NARS2: variants seen among roughly 807,000 people sequenced by gnomAD.
NARS2 encodes the protein asparaginyl-tRNA synthetase.
A neutral mutation model predicts 62.9 loss-of-function variants in NARS2; 60 were observed. The observed-to-expected ratio is 0.95, with a 90% CI of 0.77 to 1.18. The LOEUF is 1.18. NARS2 is among the 50% of genes most tolerant of loss of function. NARS2 has a pLI of 0.00. For missense variants in NARS2, 619 were observed against 576.4 expected (o/e 1.07, Z -0.76); for synonymous variants, 196 against 200.0 (o/e 0.98, Z 0.17).
At chr11:78,438,396 G>C (rs1037608299) in intron 13 of NARS2, among the ~76,000 whole-genome samples, 2 of 152,174 alleles carry the variant, frequency 1.3e-5, no homozygotes, top group Non-Finnish European at 2.9e-5. Flanking sequence ...CAGCGGGAAA[G>C]AGTACACTTT....
rs145985173 is a variant in NARS2 at position 78,493,274 on chromosome 11, C to T, written c.690-79G>A. On this transcript the variant is annotated intron_variant, in intron 6 of 13. Coordinates refer to ENST00000281038, the MANE Select transcript of NARS2 (RefSeq NM_024678.6). ...TATTTAAATATTCAGTGAGCTCTTACGGAAAATAAAGTTTTGTGTGCCTCT... is the reference window on the plus strand; with the variant it reads ...TATTTAAATATTCAGTGAGCTCTTATGGAAAATAAAGTTTTGTGTGCCTCT... The T allele has an allele frequency of 1.5e-3, 2,066 of 1,422,804 alleles. 21 individuals carry two copies. In the African/African-American group the frequency reaches 0.024, roughly 16 times the overall value. 88.1% of individuals were successfully genotyped at this position (1,422,804 alleles called of 1,614,324 possible).
chr11:78,565,023 C>A (rs997449313), intron 4 of NARS2, among the ~76,000 whole-genome samples: 2 of 152,182 alleles, frequency 1.3e-5, no homozygotes, highest in African/African-American at 4.8e-5. Flanking sequence ...AGAAGTACCA[C>A]AGGAAGCCTC....
At chr11:78,446,486 T>C (rs1225707327) in intron 11 of NARS2, among the ~76,000 whole-genome samples, 5 of 152,198 alleles carry the variant, frequency 3.3e-5, no homozygotes, top group Non-Finnish European at 7.3e-5. Context: ...GGCTAAAATA[T>C]GATAGGAGTT....
At chr11:78,472,922 TTAA>T (rs772267072) in intron 9 of NARS2, among the ~76,000 whole-genome samples, 15 of 152,362 alleles carry the variant, frequency 9.8e-5, no homozygotes, top group Admixed American at 9.8e-4. Context: ...TGTTGATGAC[TTAA>T]TAATCACTGT....
At chr11:78,492,986 A>C (rs1013141590) in intron 7 of NARS2, 77 bp downstream of exon 7, 2 of 1,337,838 alleles carry the variant, frequency 1.5e-6, no homozygotes, top group African/African-American at 1.5e-5. Context: ...TGTAACACAT[A>C]AACGTCCGAG....
chr11:78,574,823 T>A lies in NARS2; in HGVS notation c.-335A>T. On this transcript the variant is annotated 5_prime_UTR_variant, in exon 1 of 14. Coordinates refer to ENST00000281038, the MANE Select transcript of NARS2 (RefSeq NM_024678.6). ...CCCGGGCCGCAACACGCGCAACCACTCCTACCACACCACGCCAACGCCGCT... is the reference window on the plus strand; with the variant it reads ...CCCGGGCCGCAACACGCGCAACCACACCTACCACACCACGCCAACGCCGCT... 7.0e-6 allele frequency: 2 copies of A among 285,552 alleles called. No individual in the cohort carries two copies. Among genetic ancestry groups the A allele is most frequent in the Non-Finnish European group, 1.3e-5 (2 of 150,686 alleles). 17.7% of individuals were successfully genotyped at this position (285,552 alleles called of 1,614,324 possible).
chr11:78,469,244 T>C lies in NARS2; in HGVS notation c.1026+3A>G. Reference sequence around the variant, plus strand: ...ACATATATACATACACACAAAATACTACCTCTGGGGTAAAGGTGAAGTTCT... The same window carrying C: ...ACATATATACATACACACAAAATACCACCTCTGGGGTAAAGGTGAAGTTCT... On this transcript the variant is annotated splice_donor_region_variant and intron_variant, in intron 10 of 13. Coordinates refer to ENST00000281038, the MANE Select transcript of NARS2 (RefSeq NM_024678.6). 6.3e-7 allele frequency: 1 copy of C among 1,598,336 alleles called. No individual in the cohort carries two copies. The highest frequency in any genetic ancestry group is 8.6e-7 in the Non-Finnish European group (1 of 1,165,698).
intron 7 of NARS2, among the ~76,000 whole-genome samples, chr11:78,488,811 T>C (rs1859688873): frequency 6.6e-6 from 1 of 152,134 alleles, no homozygotes; most frequent in Non-Finnish European, 1.5e-5. Flanking sequence ...GACCAACTGA[T>C]TTTTGACAAA....
In NARS2 at chr11:78,492,935, T is replaced by A. The variant is rs1009105636; in HGVS notation, c.822+128A>T. 36 of 741,792 alleles carry A rather than the reference T, an allele frequency of 4.9e-5. No individual in the cohort carries two copies. The East Asian group carries it at 6.8e-4, about 14-fold the overall frequency. 46.0% of individuals were successfully genotyped at this position (741,792 alleles called of 1,614,324 possible). A position where few individuals can be genotyped will look rare whatever the true frequency, so the allele number is the denominator to read the frequency against. On this transcript the variant is annotated intron_variant, in intron 7 of 13. Transcript: ENST00000281038. ...TTACAGTAAAGGCATTCAATAAGTGTTTATTAAGTAGTTACCCCTTCTTTT... is the reference window on the plus strand; with the variant it reads ...TTACAGTAAAGGCATTCAATAAGTGATTATTAAGTAGTTACCCCTTCTTTT...
rs1860297847 is a variant in NARS2, at chr11:78,501,987, A to G, written c.690-8792T>C. The stretch of plus-strand genomic sequence containing the variant: ...ATGTGGTATATTCATACAATGGAAT[A>G]ATTTTCAGCCATAAAAAAGAAATAC... On this transcript the variant is annotated intron_variant, in intron 6 of 13. Coordinates refer to ENST00000281038, the MANE Select transcript of NARS2 (RefSeq NM_024678.6). Among the ~76,000 whole-genome samples the G allele has an allele frequency of 4.6e-5, 7 of 152,256 alleles. No homozygotes were observed. In the South Asian group the frequency reaches 1.4e-3, roughly 31 times the overall value.
chr11:78,538,211 A>G (rs1457696523), intron 5 of NARS2, among the ~76,000 whole-genome samples: 1 of 152,144 alleles, frequency 6.6e-6, no homozygotes, highest in Non-Finnish European at 1.5e-5. Context: ...ACCACAGCAC[A>G]ATACATTCAC....
chr11:78,553,440 C>T (rs892718700), intron 5 of NARS2, among the ~76,000 whole-genome samples: 2 of 152,108 alleles, frequency 1.3e-5, no homozygotes, highest in African/African-American at 2.4e-5. Flanking sequence ...AGGCATGTGC[C>T]ACCATGCCCG....
intron 1 of NARS2, chr11:78,573,360 G>A (rs562994780): frequency 1.3e-5 from 2 of 152,306 alleles, no homozygotes; most frequent in Admixed American, 1.3e-4. Context: ...AATACAGTGA[G>A]ACTCATCTTC....
At chr11:78,444,560 A>C (rs1277500062) in intron 11 of NARS2, among the ~76,000 whole-genome samples, 2 of 152,032 alleles carry the variant, frequency 1.3e-5, no homozygotes, top group East Asian at 3.9e-4. Flanking sequence ...CTCTACTAAA[A>C]TACAAAAAAT....
At chr11:78,564,926 T>G (rs554606056) in intron 4 of NARS2, among the ~76,000 whole-genome samples, 4 of 152,336 alleles carry the variant, frequency 2.6e-5, no homozygotes, top group African/African-American at 9.6e-5. Flanking sequence ...ACCTTCTTGG[T>G]GAGACTGGGG....
chr11:78,557,830 ATC>A (rs1392963351), intron 5 of NARS2, among the ~76,000 whole-genome samples: 6 of 146,310 alleles, frequency 4.1e-5, no homozygotes, highest in East Asian at 1.9e-4. Flanking sequence ...ATATATATAT[ATC>A]TCTCTTATAT....
At chr11:78,551,036 C>T (rs1290727898) in intron 5 of NARS2, among the ~76,000 whole-genome samples, 1 of 152,086 alleles carries the variant, frequency 6.6e-6, no homozygotes, top group East Asian at 1.9e-4. Flanking sequence ...CCACAGAAAG[C>T]AGATTTGTGG....
chr11:78,485,539 A>G (rs911403863), intron 7 of NARS2, among the ~76,000 whole-genome samples: 1 of 152,014 alleles, frequency 6.6e-6, no homozygotes, highest in African/African-American at 2.4e-5. Flanking sequence ...TTCCATTTTT[A>G]CCTCCTTTGT....
chr11:78,442,805 C>G (rs1565201163), intron 12 of NARS2, among the ~76,000 whole-genome samples: 1 of 152,032 alleles, frequency 6.6e-6, no homozygotes, highest in Non-Finnish European at 1.5e-5. Context: ...GATTTGTTTC[C>G]CAGTTCTCAA....
Sources: gnomAD v4.1 joint callset for allele counts (sites outside exome capture counted in the v4.1 genomes callset) on GRCh38, gnomAD v4.1.1 for gene constraint, MANE v1.5 for transcripts, NCBI Gene and HGNC (gene_info 2026-07-23, HGNC 2026-07-21) for gene names.